ADCY9: variants seen among roughly 807,000 people sequenced by gnomAD.
ADCY9 encodes the protein adenylate cyclase type 9.
ADCY9 carries 50 observed loss-of-function variants against 101.5 expected under a neutral mutation model. The ratio of observed to expected loss-of-function variants is 0.49; its 90% CI spans 0.39 to 0.62. The LOEUF (loss-of-function observed/expected upper bound fraction) is 0.62. Among genes scored for constraint, ADCY9 ranks in the 20% least tolerant of loss-of-function variants. The probability of loss-of-function intolerance (pLI) is 0.00; values close to 1 mark genes in which losing one functional copy is unlikely to be tolerated. For missense variants in ADCY9, 1,662 were observed against 1,800.4 expected, an observed-to-expected ratio of 0.92 and a Z score of 1.39; for synonymous variants, 905 against 769.3, an observed-to-expected ratio of 1.18 and a Z score of -2.92.
chr16:3,990,103 T>C (rs1406059728), intron 5 of ADCY9, among the ~76,000 whole-genome samples: 1 of 152,148 alleles, frequency 6.6e-6, no homozygotes, highest in Non-Finnish European at 1.5e-5. Flanking sequence ...TAAGGGAACG[T>C]TAACATGATT....
At chr16:3,967,117 AG>A (rs770617066) in intron 10 of ADCY9, 151 bp from the exon 11 acceptor site, 1 of 646,438 alleles carries the variant, frequency 1.5e-6, no homozygotes, top group Non-Finnish European at 2.7e-6. Flanking sequence ...GGCTGGCTGA[AG>A]GTATGGAGGG....
chr16:3,954,549 G>A (rs2055897694), intron 5 of ADCY9, among the ~76,000 whole-genome samples: 1 of 152,194 alleles, frequency 6.6e-6, no homozygotes, highest in African/African-American at 2.4e-5. Flanking sequence ...GGAATGGCTA[G>A]GAGTGTCTCC....
At chr16:4,033,370 T>C (rs1454286649) in intron 2 of ADCY9, among the ~76,000 whole-genome samples, 1 of 151,648 alleles carries the variant, frequency 6.6e-6, no homozygotes, top group Non-Finnish European at 1.5e-5. Flanking sequence ...CGATTCCAAA[T>C]GGAGGCCAAA....
chr16:3,965,494 G>A lies in ADCY9; in HGVS notation c.*281C>T, dbSNP rs543516254. Reference sequence around the variant, plus strand: ...GATCTCCACTGGCGGCCTCTGTCCCGAGACTCGAGGCCGAGGCCAGCCCTG... The same window carrying A: ...GATCTCCACTGGCGGCCTCTGTCCCAAGACTCGAGGCCGAGGCCAGCCCTG... On this transcript the variant is annotated 3_prime_UTR_variant, in exon 11 of 11. Transcript: ENST00000294016. 4.4e-5 allele frequency: 21 copies of A among 473,592 alleles called. No homozygotes were observed. The East Asian group carries it at 5.2e-4, about 12-fold the overall frequency. The allele number at this position is 473,592 out of a possible 1,614,324, so 29.3% of individuals were successfully genotyped here. A position where few individuals can be genotyped will look rare whatever the true frequency, so the allele number is the denominator to read the frequency against.
rs1036528649 is a variant in ADCY9 at position 3,971,423 on chromosome 16, C to T, written c.2870+3246G>A. Among the ~76,000 whole-genome samples, 8 of 152,284 alleles carry T rather than the reference C, an allele frequency of 5.3e-5. No homozygotes were observed. The East Asian group carries it at 5.8e-4, about 11-fold the overall frequency. On this transcript the variant is annotated intron_variant, in intron 10 of 10. Transcript: ENST00000294016. ...GGGGCTGGTCTTGGGAGCCCTGATA[C>T]GGGCTTTGTGACTCAACGCCTATGA...
chr16:4,050,021 A>G (rs1482539887), intron 2 of ADCY9, among the ~76,000 whole-genome samples: 1 of 148,386 alleles, frequency 6.7e-6, no homozygotes, highest in African/African-American at 2.6e-5. Flanking sequence ...ACAGAGTGAG[A>G]CTGTGTCTCA....
intron 6 of ADCY9, among the ~76,000 whole-genome samples, chr16:3,988,309 A>T (rs1187444951): frequency 4.0e-5 from 6 of 151,596 alleles, no homozygotes; most frequent in Non-Finnish European, 8.8e-5. Flanking sequence ...TTAGAGAGAG[A>T]GGTGAAGGCC....
At chr16:4,081,676 T>A (rs1180256861) in intron 2 of ADCY9, among the ~76,000 whole-genome samples, 1 of 149,030 alleles carries the variant, frequency 6.7e-6, no homozygotes, top group African/African-American at 2.5e-5. Flanking sequence ...TCACAGCACA[T>A]GCGGGGAGCC....
intron 2 of ADCY9, among the ~76,000 whole-genome samples, chr16:4,103,699 A>G (rs1221379532): frequency 6.6e-6 from 1 of 152,152 alleles, no homozygotes; most frequent in Non-Finnish European, 1.5e-5. Flanking sequence ...GCGTGGTGGC[A>G]CACATCTGTA....
At chr16:3,954,356 G>T (rs915481176) in intron 5 of ADCY9, among the ~76,000 whole-genome samples, 43 of 152,260 alleles carry the variant, frequency 2.8e-4, no homozygotes, top group African/African-American at 9.9e-4. Context: ...GATTGGGTGG[G>T]GCTCTCTGGG....
In ADCY9 at chr16:4,116,312, C is replaced by T. The variant is rs957829730; in HGVS notation, c.-666G>A. ...GACGCCCGCCCGCCCGCGCCCACGC[C>T]GGGGGCCGCCTCCCCGAGCTAGAGA... On this transcript the variant is annotated 5_prime_UTR_variant, in exon 1 of 11. Transcript: ENST00000294016. The T allele has an allele frequency of 9.6e-5, 14 of 146,162 alleles. No individual in the cohort carries two copies. The highest frequency in any genetic ancestry group is 1.8e-4 in the Non-Finnish European group (12 of 65,510). The allele number at this position is 146,162 out of a possible 1,614,324, so 9.1% of individuals were successfully genotyped here.
intron 10 of ADCY9, among the ~76,000 whole-genome samples, chr16:3,971,315 C>T (rs1181674413): frequency 1.3e-5 from 2 of 152,202 alleles, no homozygotes; most frequent in Non-Finnish European, 2.9e-5. Context: ...CTCACACACC[C>T]TTCCCTTTGC....
intron 2 of ADCY9, among the ~76,000 whole-genome samples, chr16:4,111,353 G>A (rs1382818136): frequency 2.0e-5 from 3 of 152,040 alleles, no homozygotes; most frequent in African/African-American, 4.8e-5. Flanking sequence ...GCGCAGCCTC[G>A]GCTCACTACA....
At chr16:4,097,558 T>TATAGA (rs1460628544) in intron 2 of ADCY9, among the ~76,000 whole-genome samples, 1 of 92,458 alleles carries the variant, frequency 1.1e-5, no homozygotes, top group African/African-American at 5.3e-5. Context: ...TATATATTTT[T>TATAGA]TTTTTTTTTT....
In ADCY9 at chr16:3,979,213, C is replaced by G; in HGVS notation, c.2582G>C (p.Gly861Ala). ...CCCGATGCAGTGACGTGGTAGCCAG[C>G]CGGCGATCCACTCCAGCAGGCGCTT... ...CTKRLLEWIA[G>A]WLPRHCIGAI... The change falls in exon 8 of 11, where the codon GGC (glycine) becomes GCC (alanine). Residue 861 changes from glycine (G) to alanine (A), a missense_variant. Physicochemically the swap from Gly to Ala is moderately conservative, Grantham distance 60 (BLOSUM62 0). Coordinates refer to ENST00000294016, the MANE Select transcript of ADCY9 (RefSeq NM_001116.4). The G allele has an allele frequency of 6.2e-7, 1 of 1,614,006 alleles. No homozygotes were observed.
intron 9 of ADCY9, among the ~76,000 whole-genome samples, chr16:3,976,271 G>A (rs1351852084): frequency 6.6e-6 from 1 of 152,166 alleles, no homozygotes; most frequent in African/African-American, 2.4e-5. Flanking sequence ...AGGATTACAG[G>A]CGTGAGCACC....
intron 2 of ADCY9, among the ~76,000 whole-genome samples, chr16:4,035,087 T>C (rs953750033): frequency 6.6e-6 from 1 of 152,218 alleles, no homozygotes; most frequent in African/African-American, 2.4e-5. Context: ...TAAACGGAGA[T>C]GTGACACGAT....
At chr16:4,023,376 A>T (rs2056491361) in intron 2 of ADCY9, among the ~76,000 whole-genome samples, 1 of 152,232 alleles carries the variant, frequency 6.6e-6, no homozygotes, top group African/African-American at 2.4e-5. Flanking sequence ...CGGTTTGGAC[A>T]GAGTCAGGGA....
At chr16:4,000,567 AT>A (rs781108217) in intron 3 of ADCY9, among the ~76,000 whole-genome samples, 2 of 152,160 alleles carry the variant, frequency 1.3e-5, no homozygotes, top group Non-Finnish European at 2.9e-5. Flanking sequence ...AGAAAAAGAA[AT>A]TTTCTTACAT....
Sources: gnomAD v4.1 joint callset for allele counts (sites outside exome capture counted in the v4.1 genomes callset) on GRCh38, gnomAD v4.1.1 for gene constraint, MANE v1.5 for transcripts, NCBI Gene and HGNC (gene_info 2026-07-23, HGNC 2026-07-21) for gene names.